The following PFAS variants were observed in gnomAD, a reference collection of about 807,000 sequenced individuals.
PFAS encodes the protein FGAM synthase.
PFAS carries 97 observed loss-of-function variants against 140.6 expected under a neutral mutation model. The ratio of observed to expected loss-of-function variants is 0.69; its 90% CI spans 0.59 to 0.82. The LOEUF (loss-of-function observed/expected upper bound fraction) is 0.82. PFAS is among the 40% of genes least tolerant of loss of function. The pLI, the probability that PFAS is intolerant of heterozygous loss-of-function variation, is 0.00. For synonymous variants in PFAS, 679 were observed against 718.8 expected (o/e 0.94, Z 0.88); for missense variants, 1,656 against 1,780.2 (o/e 0.93, Z 1.26).
rs1597429841 is a variant in PFAS at position 8,266,632 on chromosome 17, A to C, written c.2822-121A>C. 1 of 1,503,030 alleles carries C rather than the reference A, an allele frequency of 6.7e-7. No individual in the cohort carries two copies. Among genetic ancestry groups the C allele is most frequent in the Non-Finnish European group, 8.8e-7 (1 of 1,133,398 alleles). 93.1% of individuals were successfully genotyped at this position (1,503,030 alleles called of 1,614,324 possible). ...CTAGCCCTCATCCTCCCTGATCCCTACCCTACTCTCTGGCTGCATCCCTCT... is the reference window on the plus strand; with the variant it reads ...CTAGCCCTCATCCTCCCTGATCCCTCCCCTACTCTCTGGCTGCATCCCTCT... On this transcript the variant is annotated intron_variant, in intron 22 of 27. Coordinates refer to ENST00000314666, the MANE Select transcript of PFAS (RefSeq NM_012393.3). This position sits in a 1 kb window ranked among gnomAD's most constrained non-coding sequence, Gnocchi z 5.0.
chr17:8,254,128 G>C, intron 2 of PFAS, 38 bp from the exon 3 acceptor site: 2 of 1,613,932 alleles, frequency 1.2e-6, no homozygotes, highest in Non-Finnish European at 1.7e-6. Flanking sequence ...GGTGCTGGGG[G>C]CAGTGTCTCA....
Position 8,267,410 on chromosome 17 carries a change from G to A in PFAS, c.3214G>A (p.Gly1072Ser), listed in dbSNP as rs757498012. ...CCGAGTCGCCATCTTGCGAGAGGAG[G>A]GCAGTAATGGAGACCGGGAGATGGC... is the stretch of plus-strand genomic sequence containing the variant. ...SPRVAILREE[G>S]SNGDREMADA... Residue 1072 changes from glycine (G) to serine (S), a missense_variant, in exon 25 of 28, where the codon GGC (glycine) becomes AGC (serine). Coordinates refer to ENST00000314666, the MANE Select transcript of PFAS (RefSeq NM_012393.3). This position sits in a 1 kb window ranked among gnomAD's most constrained non-coding sequence, Gnocchi z 4.9. 8.1e-6 allele frequency: 13 copies of A among 1,614,048 alleles called. No homozygotes were observed. In the South Asian group the frequency reaches 1.3e-4, roughly 16 times the overall value.
At position 8,254,210 on chromosome 17, in the gene PFAS, C is replaced by G. The variant is rs756816823; in HGVS notation, c.187C>G (p.Leu63Val). Residue 63 changes from leucine (L) to valine (V), a missense_variant, in exon 3 of 28, where the codon CTG becomes GTG. Physicochemically the swap from Leu to Val is conservative, Grantham distance 32 (BLOSUM62 1). Transcript: ENST00000314666. Reference protein sequence around the residue: ...SAEETKKLMWLFGCPLLLDDV... With the variant: ...SAEETKKLMWVFGCPLLLDDV... ...TGAGGAGACAAAGAAGCTGATGTGGCTGTTTGGTTGCCCCTTACTGCTGGA... is the reference window on the plus strand; with the variant it reads ...TGAGGAGACAAAGAAGCTGATGTGGGTGTTTGGTTGCCCCTTACTGCTGGA... The G allele has an allele frequency of 3.1e-6, 5 of 1,614,134 alleles. No homozygotes were observed. In the South Asian group the frequency reaches 4.4e-5, roughly 14 times the overall value.
intron 4 of PFAS, among the ~76,000 whole-genome samples, 168 bp from the exon 5 acceptor site, chr17:8,255,334 C>A (rs552237688): frequency 2.0e-5 from 3 of 152,160 alleles, no homozygotes; most frequent in Non-Finnish European, 4.4e-5. Flanking sequence ...TTTGTGCATC[C>A]TGGCATGGAT....
chr17:8,253,008 C>T (rs755818803), intron 1 of PFAS, among the ~76,000 whole-genome samples: 5 of 152,146 alleles, frequency 3.3e-5, no homozygotes, highest in Non-Finnish European at 7.3e-5. Flanking sequence ...GACCTAATTA[C>T]GTCCCAGAGG....
rs1163041181 is a variant in PFAS at position 8,266,230 on chromosome 17, C to G, written c.2702-4C>G. ...GTTGCTGAGCTTTCTTCTCCTTCCT[C>G]CAGACCGCCTCCTCTGCTCAGGCCA... On this transcript the variant is annotated splice_polypyrimidine_tract_variant and splice_region_variant and intron_variant, in intron 21 of 27. Transcript: ENST00000314666. The surrounding 1 kb of genome is among the most constrained non-coding windows in gnomAD (Gnocchi z 5.0). 3.1e-6 allele frequency: 5 copies of G among 1,613,914 alleles called. No homozygotes were observed. Among genetic ancestry groups the G allele is most frequent in the Non-Finnish European group, 4.2e-6 (5 of 1,179,902 alleles).
In PFAS at chr17:8,255,074, G is replaced by A. The variant is rs1192661049; in HGVS notation, c.326G>A (p.Arg109His). 25 of 1,613,768 alleles carry A rather than the reference G, an allele frequency of 1.5e-5. No homozygotes were observed. Among genetic ancestry groups the A allele is most frequent in the East Asian group, 4.5e-5 (2 of 44,880 alleles). Residue 109 changes from arginine (R) to histidine (H), a missense_variant, in exon 4 of 28, where the codon CGC becomes CAC. Arg to His is a conservative substitution (Grantham distance 29, BLOSUM62 0). Coordinates refer to ENST00000314666, the MANE Select transcript of PFAS (RefSeq NM_012393.3). ...TCCACCAACATCGTGTCAGTGTGCC[G>A]CGCCACTGGGCTGGGGCCTGTGGAT... ...PTSTNIVSVC[R>H]ATGLGPVDRV...
chr17:8,254,246 CG>C lies in PFAS; in HGVS notation c.226del (p.Glu76SerfsTer19), dbSNP rs1989270392. 1.2e-6 allele frequency: 2 copies of C among 1,613,968 alleles called. No individual in the cohort carries two copies. The highest frequency in any genetic ancestry group is 1.7e-6 in the Non-Finnish European group (2 of 1,180,014). ...CCCCTTACTGCTGGATGATGTTGCT[CG>C]GGAGTCCTGGCTCCTTCCTGGCTCC... Reference protein sequence around the residue: ...GCPLLLDDVARESWLLPGSND... With the variant: ...GCPLLLDDVAXESWLLPGSND... On this transcript the variant is annotated frameshift_variant, in exon 3 of 28. Transcript: ENST00000314666. LOFTEE classifies it high-confidence loss of function.
intron 20 of PFAS, 49 bp downstream of exon 20, chr17:8,265,688 T>C (rs11655563): frequency 0.79 from 1,216,012 of 1,546,618 alleles, 485,889 homozygotes; most frequent in Non-Finnish European, 0.82. Context: ...GTGATCTTTG[T>C]TTGGCTCCTG....
At position 8,253,942 on chromosome 17, in the gene PFAS, C is replaced by T; in HGVS notation, c.5C>T (p.Ser2Phe). 1 of 1,612,646 alleles carries T rather than the reference C, an allele frequency of 6.2e-7. No individual in the cohort carries two copies. M[S>F]PVLHFYVRPS... ...CAGCAAAGGACACCTGCAGAGATGT[C>T]CCCAGTCCTTCACTTCTATGTTCGT... Residue 2 changes from serine (S) to phenylalanine (F), a missense_variant, in exon 2 of 28, where the codon TCC becomes TTC. This residue lies in a region of PFAS where 773 missense variants were observed against 757.3 expected (regional missense o/e 1.02). Coordinates refer to ENST00000314666, the MANE Select transcript of PFAS (RefSeq NM_012393.3).
Position 8,260,058 on chromosome 17 carries a change from G to A in PFAS, c.1336+1859G>A, listed in dbSNP as rs1038181414. On this transcript the variant is annotated intron_variant, in intron 11 of 27. Coordinates refer to ENST00000314666, the MANE Select transcript of PFAS (RefSeq NM_012393.3). ...GGAGGTTGCAGTGAGCCAAGTTTAC[G>A]CCACTGCACTCCAGTCTGGACGTAA... 4.7e-5 allele frequency among the ~76,000 whole-genome samples: 7 copies of A among 150,024 alleles called. No homozygotes were observed. In the East Asian group the frequency reaches 7.9e-4, roughly 17 times the overall value.
At position 8,266,919 on chromosome 17, in the gene PFAS, G is replaced by A. The variant is rs545084482; in HGVS notation, c.2967+21G>A. On this transcript the variant is annotated intron_variant, in intron 23 of 27. Coordinates refer to ENST00000314666, the MANE Select transcript of PFAS (RefSeq NM_012393.3). This position sits in a 1 kb window ranked among gnomAD's most constrained non-coding sequence, Gnocchi z 5.0. ...CCATGGTGAGGAAGTGAGGGAGAGA[G>A]CGGTGTGCAGTGGGCAGTCAGAGTG... The A allele has an allele frequency of 1.6e-3, 2,550 of 1,599,260 alleles. 53 individuals carry two copies. The South Asian group carries it at 0.027, about 17-fold the overall frequency.
At position 8,266,775 on chromosome 17, in the gene PFAS, G is replaced by A. The variant is rs752863230; in HGVS notation, c.2844G>A (p.Glu948=). ...CAGTCCTGTCTGTGCTGTTCGCTGAGGAGCCAGGCCTCGTGCTGGAGGTGC... is the reference window on the plus strand; with the variant it reads ...CAGTCCTGTCTGTGCTGTTCGCTGAAGAGCCAGGCCTCGTGCTGGAGGTGC... The part of the protein sequence containing the change: ...RVDVLSVLFA[E]EPGLVLEVQE... The change falls in exon 23 of 28, where the codon GAG becomes GAA. Residue 948 remains glutamate (E), a synonymous_variant. Coordinates refer to ENST00000314666, the MANE Select transcript of PFAS (RefSeq NM_012393.3). This position sits in a 1 kb window ranked among gnomAD's most constrained non-coding sequence, Gnocchi z 5.0. 6.2e-7 allele frequency: 1 copy of A among 1,610,906 alleles called. No individual in the cohort carries two copies. Among genetic ancestry groups the A allele is most frequent in the Non-Finnish European group, 8.5e-7 (1 of 1,178,718 alleles).
chr17:8,269,034 G>A lies in PFAS; in HGVS notation c.3787G>A (p.Asp1263Asn), dbSNP rs774177961. Reference sequence around the variant, plus strand: ...GGCTCCACTGCACTGGGCTGATGATGACGGGAACCCCACAGAGCAGTACCC... The same window carrying A: ...GGCTCCACTGCACTGGGCTGATGATAACGGGAACCCCACAGAGCAGTACCC... ...GLAPLHWADD[D>N]GNPTEQYPLN... The change falls in exon 28 of 28, where the codon GAC (aspartate) becomes AAC (asparagine). Residue 1263 changes from aspartate (D) to asparagine (N), a missense_variant. Coordinates refer to ENST00000314666, the MANE Select transcript of PFAS (RefSeq NM_012393.3). 6.2e-7 allele frequency: 1 copy of A among 1,614,196 alleles called. No individual in the cohort carries two copies.
rs770134492 is a variant in PFAS, at chr17:8,264,480, T to C, written c.1928T>C (p.Leu643Pro). 1.1e-5 allele frequency: 17 copies of C among 1,613,602 alleles called. No homozygotes were observed. The highest frequency in any genetic ancestry group is 1.4e-5 in the Non-Finnish European group (17 of 1,179,908). The change falls in exon 17 of 28, where the codon CTG (leucine) becomes CCG (proline). Residue 643 changes from leucine to proline, a missense_variant. Physicochemically the swap from Leu to Pro is moderately conservative, Grantham distance 98. Coordinates refer to ENST00000314666, the MANE Select transcript of PFAS (RefSeq NM_012393.3). Reference sequence around the variant, plus strand: ...CTGTCTGTGTTGCAGGAGTTCTTCCTGCAGAGGAAGCCCCCCATGCTGCAG... The same window carrying C: ...CTGTCTGTGTTGCAGGAGTTCTTCCCGCAGAGGAAGCCCCCCATGCTGCAG... ...LGKMPRKEFF[L>P]QRKPPMLQPL...
intron 20 of PFAS, 89 bp from the exon 21 acceptor site, chr17:8,265,773 C>A: frequency 7.3e-7 from 1 of 1,365,120 alleles, no homozygotes; most frequent in South Asian, 1.2e-5. Context: ...GGTGTCTCAC[C>A]ACATGCTGGG....
intron 13 of PFAS, 126 bp from the exon 14 acceptor site, chr17:8,263,449 G>A: frequency 2.0e-6 from 2 of 1,018,830 alleles, no homozygotes; most frequent in Admixed American, 3.6e-5. Flanking sequence ...GATGATTGGT[G>A]GTAAGGGTGC....
In PFAS at chr17:8,265,196, T is replaced by C. The variant is rs545707554; in HGVS notation, c.2280+71T>C. The stretch of plus-strand genomic sequence containing the variant: ...ACCCTTCCACATCCATCTGTAGCCC[T>C]TCATTTCATGTTGCAACCTCCCAGT... On this transcript the variant is annotated intron_variant, in intron 18 of 27. Coordinates refer to ENST00000314666, the MANE Select transcript of PFAS (RefSeq NM_012393.3). 107 of 1,564,552 alleles carry C rather than the reference T, an allele frequency of 6.8e-5. No homozygotes were observed. In the South Asian group the frequency reaches 9.8e-4, roughly 14 times the overall value.
At position 8,249,301 on chromosome 17, in the gene PFAS, C is replaced by A. The variant is rs1206770918; in HGVS notation, c.-118C>A. ...CGGATGACGTAACAAACGCGCGCGA[C>A]GATTCGAGGTGCTCTGTGGCCGCGA... On this transcript the variant is annotated 5_prime_UTR_variant, in exon 1 of 28. Transcript: ENST00000314666. 1 of 152,144 alleles carries A rather than the reference C, an allele frequency of 6.6e-6. No individual in the cohort carries two copies. Among genetic ancestry groups the A allele is most frequent in the Non-Finnish European group, 1.5e-5 (1 of 68,032 alleles). 9.4% of individuals were successfully genotyped at this position (152,144 alleles called of 1,614,324 possible). A position where few individuals can be genotyped will look rare whatever the true frequency, so the allele number is the denominator to read the frequency against.
Sources: gnomAD v4.1 joint callset for allele counts (sites outside exome capture counted in the v4.1 genomes callset) on GRCh38, gnomAD v4.1.1 for gene constraint, gnomAD v4.1.1 regional missense constraint, Gnocchi (gnomAD v3.1) non-coding constraint, MANE v1.5 for transcripts, NCBI Gene and HGNC (gene_info 2026-07-23, HGNC 2026-07-21) for gene names.